The following COP1 variants were observed in gnomAD, a reference collection of about 807,000 sequenced individuals.
COP1 encodes the protein E3 ubiquitin-protein ligase COP1.
A neutral mutation model predicts 101.3 loss-of-function variants in COP1; 24 were observed. The ratio of observed to expected loss-of-function variants is 0.24; its 90% CI spans 0.17 to 0.33. The LOEUF (loss-of-function observed/expected upper bound fraction) is 0.33, where lower values mean the gene tolerates loss of function less well. Ranked by LOEUF, COP1 falls within the 10% of genes least tolerant of loss-of-function variation. The pLI, the probability that COP1 is intolerant of heterozygous loss-of-function variation, is 1.00. For missense variants in COP1, 663 were observed against 906.2 expected (o/e 0.73, Z 3.45); for synonymous variants, 347 against 341.9 (o/e 1.01, Z -0.17).
At chr1:175,990,997 C>T (rs1350327714) in intron 15 of COP1, among the ~76,000 whole-genome samples, 3 of 151,778 alleles carry the variant, frequency 2.0e-5, no homozygotes, top group African/African-American at 7.3e-5. Context: ...ATAGGTTGCA[C>T]ATCTGAAATC....
chr1:176,148,440 A>G (rs1691918997), intron 6 of COP1, among the ~76,000 whole-genome samples: 1 of 152,012 alleles, frequency 6.6e-6, no homozygotes, highest in African/African-American at 2.4e-5. Context: ...TGCTATCCAG[A>G]GCACAGGATT....
chr1:176,103,521 T>C (rs1683785735), intron 9 of COP1, among the ~76,000 whole-genome samples: 1 of 152,180 alleles, frequency 6.6e-6, no homozygotes, highest in African/African-American at 2.4e-5. Context: ...CCTTGGAATA[T>C]TTGCATTGTA....
chr1:176,096,377 G>A (rs1682372442), intron 9 of COP1, among the ~76,000 whole-genome samples: 2 of 152,132 alleles, frequency 1.3e-5, no homozygotes, highest in South Asian at 4.1e-4. Flanking sequence ...TTGGGCGAAT[G>A]GCAGCTCCCC....
rs1161815918 is a variant in COP1 at position 176,037,403 on chromosome 1, T to C, written c.1612+5783A>G. ...GCCTGGGCGACAGAGCAAGACTCCGTCTCAAAAAAAAAAAGTATAAGAAAA... is the reference window on the plus strand; with the variant it reads ...GCCTGGGCGACAGAGCAAGACTCCGCCTCAAAAAAAAAAAGTATAAGAAAA... On this transcript the variant is annotated intron_variant, in intron 14 of 19. Coordinates refer to ENST00000367669, the MANE Select transcript of COP1 (RefSeq NM_022457.7). Among the ~76,000 whole-genome samples, 3 of 142,708 alleles carry C rather than the reference T, an allele frequency of 2.1e-5. No individual in the cohort carries two copies. The Admixed American group carries it at 2.1e-4, about 10-fold the overall frequency. The allele number at this position is 142,708 out of a possible 152,430, so 93.6% of individuals were successfully genotyped here.
At chr1:175,974,416 T>G (rs1654005079) in intron 18 of COP1, among the ~76,000 whole-genome samples, 1 of 152,358 alleles carries the variant, frequency 6.6e-6, no homozygotes, top group Non-Finnish European at 1.5e-5. Context: ...TGCAATAGAC[T>G]ACATTGTTTG....
intron 15 of COP1, among the ~76,000 whole-genome samples, chr1:176,009,518 A>G (rs968594706): frequency 6.6e-6 from 1 of 152,214 alleles, no homozygotes; most frequent in Non-Finnish European, 1.5e-5. Flanking sequence ...AAAGTTTTAC[A>G]GTAGCTAAAA....
chr1:176,075,643 C>T lies in COP1; in HGVS notation c.1277+5509G>A, dbSNP rs151293159. ...TACTTAAGCATATACACACCCAACA[C>T]TGGAGCACCCAGATTCATAAAACAA... On this transcript the variant is annotated intron_variant, in intron 11 of 19. Coordinates refer to ENST00000367669, the MANE Select transcript of COP1 (RefSeq NM_022457.7). Among the ~76,000 whole-genome samples the T allele has an allele frequency of 8.5e-4, 130 of 152,234 alleles. 2 individuals carry two copies. The highest frequency in any genetic ancestry group is 8.0e-3 in the Admixed American group (122 of 15,296).
rs200062225 is a variant in COP1, at chr1:176,190,582, A to G, written c.408-5890T>C. 1.8e-4 allele frequency among the ~76,000 whole-genome samples: 28 copies of G among 151,980 alleles called. No individual in the cohort carries two copies. In the East Asian group the frequency reaches 4.8e-3, roughly 26 times the overall value. Reference sequence around the variant, plus strand: ...ATCCAGATACAGAAAATTATTTCACATATCTAATATGCATTTATAAGACAT... The same window carrying G: ...ATCCAGATACAGAAAATTATTTCACGTATCTAATATGCATTTATAAGACAT... On this transcript the variant is annotated intron_variant, in intron 1 of 19. Coordinates refer to ENST00000367669, the MANE Select transcript of COP1 (RefSeq NM_022457.7).
chr1:176,135,398 A>T (rs1199025918), intron 7 of COP1, among the ~76,000 whole-genome samples: 1 of 152,136 alleles, frequency 6.6e-6, no homozygotes, highest in Non-Finnish European at 1.5e-5. Context: ...AATGACATGT[A>T]CATTATACTA....
chr1:176,072,914 A>T (rs1011323303), intron 11 of COP1, among the ~76,000 whole-genome samples: 9 of 152,204 alleles, frequency 5.9e-5, no homozygotes, highest in Admixed American at 5.2e-4. Flanking sequence ...ACAGTGTCAG[A>T]ACCTCAAAAG....
At chr1:176,187,656 ATCTT>A (rs1488279066) in intron 1 of COP1, among the ~76,000 whole-genome samples, 4 of 152,188 alleles carry the variant, frequency 2.6e-5, no homozygotes, top group African/African-American at 9.6e-5. Flanking sequence ...AAGTAGTTTA[ATCTT>A]TCTAATTGTA....
At chr1:176,058,209 C>T (rs1401812787) in intron 11 of COP1, among the ~76,000 whole-genome samples, 5 of 151,016 alleles carry the variant, frequency 3.3e-5, no homozygotes, top group South Asian at 2.1e-4. Context: ...CCTGCCCAGC[C>T]GCCCCTTCTG....
At chr1:176,042,264 C>G (rs1255416383) in intron 14 of COP1, among the ~76,000 whole-genome samples, 4 of 76,958 alleles carry the variant, frequency 5.2e-5, no homozygotes, top group African/African-American at 1.8e-4. Flanking sequence ...CAGCGAAACT[C>G]TATCTCAAAA....
chr1:176,104,290 T>A (rs1683927644), intron 9 of COP1, among the ~76,000 whole-genome samples: 1 of 152,148 alleles, frequency 6.6e-6, no homozygotes, highest in Non-Finnish European at 1.5e-5. Context: ...GAGAAGCTTT[T>A]AACTGTGATT....
At position 175,972,116 on chromosome 1, in the gene COP1, TAACAAC is replaced by T. The variant is rs560198084; in HGVS notation, c.2133+14821_2133+14826del. Among the ~76,000 whole-genome samples, 17 of 152,018 alleles carry T rather than the reference TAACAAC, an allele frequency of 1.1e-4. No homozygotes were observed. The South Asian group carries it at 3.3e-3, about 30-fold the overall frequency. ...CAAAAGGAGAGAATTATGTAACCCA[TAACAAC>T]AACAACAACAACAACAAATACAAAA... On this transcript the variant is annotated intron_variant, in intron 18 of 19. Transcript: ENST00000367669.
chr1:175,958,380 T>A (rs897222032), intron 18 of COP1, among the ~76,000 whole-genome samples: 1 of 151,788 alleles, frequency 6.6e-6, no homozygotes, highest in African/African-American at 2.4e-5. Flanking sequence ...CATTCAGGTA[T>A]AATATCAAAG....
intron 11 of COP1, among the ~76,000 whole-genome samples, chr1:176,066,027 G>A (rs1006347396): frequency 1.3e-5 from 2 of 152,092 alleles, no homozygotes; most frequent in African/African-American, 4.8e-5. Flanking sequence ...CACCTGGCCG[G>A]GGGATAATGA....
At chr1:176,131,013 G>A (rs1688795013) in intron 8 of COP1, among the ~76,000 whole-genome samples, 1 of 151,750 alleles carries the variant, frequency 6.6e-6, no homozygotes, top group South Asian at 2.1e-4. Flanking sequence ...GGGGTCTTTG[G>A]GGATAGTTAC....
chr1:176,100,285 A>G, intron 9 of COP1: 1 of 209,512 alleles, frequency 4.8e-6, no homozygotes, highest in Non-Finnish European at 9.9e-6. Context: ...GCTACTTGGG[A>G]GGGTGAGGCA....
Sources: allele counts gnomAD v4.1 joint callset (sites outside exome capture counted in the v4.1 genomes callset), GRCh38; gene constraint gnomAD v4.1.1; transcripts MANE v1.5; gene names NCBI Gene and HGNC (gene_info 2026-07-23, HGNC 2026-07-21).